ABCF1: variants seen among roughly 807,000 people sequenced by gnomAD.
The protein encoded by ABCF1 is ATP-binding cassette sub-family F member 1.
ABCF1 carries 73 observed loss-of-function variants against 126.3 expected under a neutral mutation model. The observed-to-expected ratio is 0.58, with a 90% CI of 0.48 to 0.70. ABCF1 has a LOEUF of 0.70. ABCF1 is among the 30% of genes least tolerant of loss of function. The pLI is 0.00. For synonymous variants in ABCF1, 345 were observed against 396.4 expected, an observed-to-expected ratio of 0.87 and a Z score of 1.54; for missense variants, 786 against 1,057.5, an observed-to-expected ratio of 0.74 and a Z score of 3.56.
chr6:30,583,520 C>T lies in ABCF1; in HGVS notation c.916-88C>T, dbSNP rs189734018. The T allele has an allele frequency of 7.2e-7, 1 of 1,380,610 alleles. No individual in the cohort carries two copies. The highest frequency in any genetic ancestry group is 1.7e-5 in the Admixed American group (1 of 58,028). 85.5% of individuals were successfully genotyped at this position (1,380,610 alleles called of 1,614,324 possible). On this transcript the variant is annotated intron_variant, in intron 10 of 24. Coordinates refer to ENST00000326195, the MANE Select transcript of ABCF1 (RefSeq NM_001025091.2). The surrounding 1 kb of genome is among the most constrained non-coding windows in gnomAD (Gnocchi z 4.1). ...TAGCGGTTTGTCAGAGGCTTCCCTG[C>T]AGGGAGAAAGTGGCCGCTCCTGTCC...
In ABCF1 at chr6:30,583,357, C is replaced by G. The variant is rs1434495104; in HGVS notation, c.915+169C>G. On this transcript the variant is annotated intron_variant, in intron 10 of 24. Transcript: ENST00000326195. The surrounding 1 kb of genome is among the most constrained non-coding windows in gnomAD (Gnocchi z 4.1). Reference sequence around the variant, plus strand: ...AACTTGAGCAAGAAGATAGAAAAACCAGTAGAAGTGGGGTCCACCCTTGGC... The same window carrying G: ...AACTTGAGCAAGAAGATAGAAAAACGAGTAGAAGTGGGGTCCACCCTTGGC... Among the ~76,000 whole-genome samples the G allele has an allele frequency of 6.6e-6, 1 of 152,176 alleles. No individual in the cohort carries two copies. The highest frequency in any genetic ancestry group is 2.4e-5 in the African/African-American group (1 of 41,444).
chr6:30,583,256 A>C lies in ABCF1; in HGVS notation c.915+68A>C. 1.9e-6 allele frequency: 3 copies of C among 1,551,384 alleles called. No individual in the cohort carries two copies. Among genetic ancestry groups the C allele is most frequent in the Non-Finnish European group, 2.6e-6 (3 of 1,141,564 alleles). ...AGAGCCAGTTCTCTCATCTTCCCTG[A>C]GTGGCTGTGGTGTGTGAATGGGTTA... On this transcript the variant is annotated intron_variant, in intron 10 of 24. Transcript: ENST00000326195. The surrounding 1 kb of genome is among the most constrained non-coding windows in gnomAD (Gnocchi z 4.1).
chr6:30,574,506 G>A lies in ABCF1; in HGVS notation c.74-2903G>A, dbSNP rs1801399490. Among the ~76,000 whole-genome samples the A allele has an allele frequency of 6.6e-6, 1 of 152,160 alleles. No individual in the cohort carries two copies. The highest frequency in any genetic ancestry group is 6.5e-5 in the Admixed American group (1 of 15,270). On this transcript the variant is annotated intron_variant, in intron 1 of 24. Coordinates refer to ENST00000326195, the MANE Select transcript of ABCF1 (RefSeq NM_001025091.2). The surrounding 1 kb of genome is among the most constrained non-coding windows in gnomAD (Gnocchi z 4.3). ...TCCTTGGGGAGAAATTAGTGTCTGG[G>A]ATGAGTCAGTCATCTGTGTTGATAA...
At chr6:30,585,457 A>G (rs1436484079) in intron 15 of ABCF1, 101 bp from the exon 16 acceptor site, 6 of 1,584,148 alleles carry the variant, frequency 3.8e-6, no homozygotes, top group Non-Finnish European at 4.3e-6. Flanking sequence ...AGCTCTATTC[A>G]GACCCCCCTT....
chr6:30,575,075 T>C (rs1328813609), intron 1 of ABCF1, among the ~76,000 whole-genome samples: 3 of 147,492 alleles, frequency 2.0e-5, no homozygotes, highest in Middle Eastern at 3.5e-3. Context: ...TTTTTTCTTT[T>C]TTTTTTTTTT....
chr6:30,581,837 C>T lies in ABCF1; in HGVS notation c.679-557C>T, dbSNP rs146277462. On this transcript the variant is annotated intron_variant, in intron 8 of 24. Coordinates refer to ENST00000326195, the MANE Select transcript of ABCF1 (RefSeq NM_001025091.2). ...GAGTTACATTTATAGGGACATAACGCGTTGTCACATTTCATAAATACACAT... is the reference window on the plus strand; with the variant it reads ...GAGTTACATTTATAGGGACATAACGTGTTGTCACATTTCATAAATACACAT... 3.5e-4 allele frequency among the ~76,000 whole-genome samples: 54 copies of T among 152,242 alleles called. 1 individual carries two copies. In the South Asian group the frequency reaches 6.4e-3, roughly 18 times the overall value.
chr6:30,588,819 A>G (rs1434143587), intron 20 of ABCF1, among the ~76,000 whole-genome samples: 2 of 152,150 alleles, frequency 1.3e-5, no homozygotes, highest in Non-Finnish European at 1.5e-5. Context: ...CCAAAACACT[A>G]AACTTGCCAC....
intron 20 of ABCF1, among the ~76,000 whole-genome samples, chr6:30,589,278 T>C (rs2127418635): frequency 6.6e-6 from 1 of 152,240 alleles, no homozygotes. Context: ...AGTGCTGAGA[T>C]TACAGGCATG....
In ABCF1 at chr6:30,590,179, A is replaced by T. The variant is rs755824182; in HGVS notation, c.2264A>T (p.Glu755Val). Residue 755 changes from glutamate (E) to valine (V), a missense_variant, in exon 23 of 25, where the codon GAG becomes GTG. Physicochemically the swap from Glu to Val is moderately radical, Grantham distance 121. Around this residue, in one of 4 missense-constraint regions of ABCF1, gnomAD observed 288 missense variants for 423.5 expected, o/e 0.68. Coordinates refer to ENST00000326195, the MANE Select transcript of ABCF1 (RefSeq NM_001025091.2). ...CAGAAGGCGCGAGTTGTGTTTGCTG[A>T]GCTGGCCTGTCGGGAACCTGATGTC... ...GGQKARVVFA[E>V]LACREPDVLI... is the part of the protein sequence containing the mutation. 2 of 1,612,858 alleles carry T rather than the reference A, an allele frequency of 1.2e-6. No individual in the cohort carries two copies. Among genetic ancestry groups the T allele is most frequent in the Non-Finnish European group, 1.7e-6 (2 of 1,180,022 alleles).
Position 30,590,801 on chromosome 6 carries a change from C to A in ABCF1, c.*100C>A. 2 of 1,356,186 alleles carry A rather than the reference C, an allele frequency of 1.5e-6. No homozygotes were observed. The highest frequency in any genetic ancestry group is 1.0e-6 in the Non-Finnish European group (1 of 997,552). The allele number at this position is 1,356,186 out of a possible 1,614,324, so 84.0% of individuals were successfully genotyped here. On this transcript the variant is annotated 3_prime_UTR_variant, in exon 25 of 25. Coordinates refer to ENST00000326195, the MANE Select transcript of ABCF1 (RefSeq NM_001025091.2). ...AAGACTGCCTCTGGCCTGCAGCTGA[C>A]CTGGCAACCATTCAGGCACATGAAG...
rs916762973 is a variant in ABCF1 at position 30,589,375 on chromosome 6, G to C, written c.2032-313G>C. 8 of 404,260 alleles carry C rather than the reference G, an allele frequency of 2.0e-5. No individual in the cohort carries two copies. In the Admixed American group the frequency reaches 3.0e-4, roughly 15 times the overall value. The allele number at this position is 404,260 out of a possible 1,614,324, so 25.0% of individuals were successfully genotyped here. A position where few individuals can be genotyped will look rare whatever the true frequency, so the allele number is the denominator to read the frequency against. ...TGTTTGTCTCTCCTTCAGAAAAGTT[G>C]GTGTATGGACGAGGTCAGGAGATCG... On this transcript the variant is annotated intron_variant, in intron 20 of 24. Transcript: ENST00000326195.
In ABCF1 at chr6:30,580,456, A is replaced by C. The variant is rs1334619828; in HGVS notation, c.615A>C (p.Glu205Asp). The C allele has an allele frequency of 1.3e-6, 2 of 1,534,760 alleles. No homozygotes were observed. Among genetic ancestry groups the C allele is most frequent in the Admixed American group, 2.5e-5 (1 of 40,216 alleles). Residue 205 changes from glutamate to aspartate, a missense_variant, in exon 8 of 25, where the codon GAA (glutamate) becomes GAC (aspartate). Coordinates refer to ENST00000326195, the MANE Select transcript of ABCF1 (RefSeq NM_001025091.2). ...ACAATGAAGAGGAGGATAAAGAAGAAGAAATTATAAAGGAAAAGGAGCCTC... is the reference window on the plus strand; with the variant it reads ...ACAATGAAGAGGAGGATAAAGAAGACGAAATTATAAAGGAAAAGGAGCCTC... ...ALDNEEEDKE[E>D]EIIKEKEPPK... is the part of the protein sequence containing the mutation.
At chr6:30,581,966 T>C (rs1437143314) in intron 8 of ABCF1, among the ~76,000 whole-genome samples, 1 of 152,066 alleles carries the variant, frequency 6.6e-6, no homozygotes, top group East Asian at 1.9e-4. Context: ...CAAGATATTT[T>C]AGGACTCTGA....
chr6:30,588,506 C>T (rs1294094688), intron 20 of ABCF1, among the ~76,000 whole-genome samples: 2 of 151,942 alleles, frequency 1.3e-5, no homozygotes. Context: ...GGACAACAGG[C>T]GCGTGCTACC....
At position 30,578,149 on chromosome 6, in the gene ABCF1, T is replaced by A; in HGVS notation, c.290T>A (p.Leu97His). 1 of 1,613,724 alleles carries A rather than the reference T, an allele frequency of 6.2e-7. No homozygotes were observed. Among genetic ancestry groups the A allele is most frequent in the Non-Finnish European group, 8.5e-7 (1 of 1,179,936 alleles). The change falls in exon 4 of 25, where the codon CTC becomes CAC. Residue 97 changes from leucine (L) to histidine (H), a missense_variant. Coordinates refer to ENST00000326195, the MANE Select transcript of ABCF1 (RefSeq NM_001025091.2). The stretch of plus-strand genomic sequence containing the variant: ...GATGATGATGGAGAAGAGAAAGAGC[T>A]CATGGAGCGTCTTAAGAAGCTCTCA... ...DVDDDGEEKE[L>H]MERLKKLSVP...
Position 30,590,868 on chromosome 6 carries a change from G to T in ABCF1, c.*167G>T. On this transcript the variant is annotated 3_prime_UTR_variant, in exon 25 of 25. Transcript: ENST00000326195. ...ATGTGACCGGGATCCCACTCTGATTGCATCCATTTCTCTGAAAGACTTGTT... is the reference window on the plus strand; with the variant it reads ...ATGTGACCGGGATCCCACTCTGATTTCATCCATTTCTCTGAAAGACTTGTT... The T allele has an allele frequency of 1.6e-6, 1 of 644,308 alleles. No homozygotes were observed. The highest frequency in any genetic ancestry group is 2.5e-6 in the Non-Finnish European group (1 of 394,272). The allele number at this position is 644,308 out of a possible 1,614,324, so 39.9% of individuals were successfully genotyped here.
At chr6:30,580,313 C>G in intron 7 of ABCF1, 93 bp from the exon 8 acceptor site, 1 of 993,968 alleles carries the variant, frequency 1.0e-6, no homozygotes. Flanking sequence ...CGCCACTGCA[C>G]TCCAGCCTGG....
rs1174579046 is a variant in ABCF1 at position 30,585,622 on chromosome 6, G to A, written c.1540G>A (p.Val514Ile). 6.8e-6 allele frequency: 11 copies of A among 1,612,882 alleles called. No homozygotes were observed. The highest frequency in any genetic ancestry group is 9.3e-6 in the Non-Finnish European group (11 of 1,179,892). Residue 514 changes from valine to isoleucine, a missense_variant, in exon 16 of 25, where the codon GTC (valine) becomes ATC (isoleucine). By Grantham distance (29) the Val-to-Ile change is conservative. Transcript: ENST00000326195. Reference sequence around the variant, plus strand: ...CCATGACCAGGGCTTCTTGGATGATGTCTGCACTGATATCATCCACCTCGA... The same window carrying A: ...CCATGACCAGGGCTTCTTGGATGATATCTGCACTGATATCATCCACCTCGA... ...VSHDQGFLDD[V>I]CTDIIHLDAQ... is the part of the protein sequence containing the mutation.
In ABCF1 at chr6:30,584,567, G is replaced by C; in HGVS notation, c.1391+1G>C. On this transcript the variant is annotated splice_donor_variant, in intron 14 of 24. Transcript: ENST00000326195. LOFTEE classifies it high-confidence loss of function. This position sits in a 1 kb window ranked among gnomAD's most constrained non-coding sequence, Gnocchi z 4.6. ...GGCGCATGCGTGTCTCCCTGGCCAG[G>C]TGGGCCATTCACCTCACTGCCCTCC... 6.3e-7 allele frequency: 1 copy of C among 1,592,508 alleles called. No homozygotes were observed. The highest frequency in any genetic ancestry group is 1.3e-5 in the African/African-American group (1 of 74,848).
Sources: gnomAD v4.1 joint callset for allele counts (sites outside exome capture counted in the v4.1 genomes callset) on GRCh38, gnomAD v4.1.1 for gene constraint, gnomAD v4.1.1 regional missense constraint, Gnocchi (gnomAD v3.1) non-coding constraint, MANE v1.5 for transcripts, NCBI Gene and HGNC (gene_info 2026-07-23, HGNC 2026-07-21) for gene names.